RNF217: variants seen among roughly 807,000 people sequenced by gnomAD.
RNF217 encodes the protein E3 ubiquitin-protein ligase RNF217.
In RNF217, 31 loss-of-function variants were observed where a neutral mutation model predicts 57.8. That is an observed-to-expected ratio of 0.54 (90% CI 0.40 to 0.72). The LOEUF (loss-of-function observed/expected upper bound fraction) is 0.72. Among genes scored for constraint, RNF217 ranks in the 30% least tolerant of loss-of-function variants. The pLI is 0.00. For synonymous variants in RNF217, 313 were observed against 294.0 expected (o/e 1.06, Z -0.66); for missense variants, 696 against 708.3 (o/e 0.98, Z 0.20).
intron 1 of RNF217, chr6:124,983,582 C>T: frequency 1.3e-6 from 1 of 795,108 alleles, no homozygotes; most frequent in East Asian, 1.3e-4. Context: ...TGGTAGGCTT[C>T]ACTTTCATAA....
At chr6:125,036,696 G>A (rs962130103) in intron 1 of RNF217, among the ~76,000 whole-genome samples, 5 of 151,820 alleles carry the variant, frequency 3.3e-5, no homozygotes, top group African/African-American at 1.2e-4. Flanking sequence ...ATCAAAAAGT[G>A]GATGAAGGAT....
chr6:125,025,173 A>G (rs971839107), intron 1 of RNF217, among the ~76,000 whole-genome samples: 1 of 152,212 alleles, frequency 6.6e-6, no homozygotes, highest in Non-Finnish European at 1.5e-5. Context: ...TCAAATGGAC[A>G]TTTAGTAACC....
intron 1 of RNF217, among the ~76,000 whole-genome samples, chr6:124,978,286 G>A (rs1185835003): frequency 6.6e-6 from 1 of 151,896 alleles, no homozygotes; most frequent in Non-Finnish European, 1.5e-5. Flanking sequence ...CTCGCTCAGG[G>A]ACTTCTGGGC....
chr6:125,062,230 A>G (rs889715836), intron 3 of RNF217, among the ~76,000 whole-genome samples: 2 of 152,050 alleles, frequency 1.3e-5, no homozygotes, highest in African/African-American at 4.8e-5. Flanking sequence ...TATCTTATTT[A>G]TGTATTAAGC....
In RNF217 at chr6:125,087,372, A is replaced by G. The variant is rs1186799358; in HGVS notation, c.*4435A>G. 3.3e-5 allele frequency: 5 copies of G among 152,146 alleles called. No individual in the cohort carries two copies. Among genetic ancestry groups the G allele is most frequent in the African/African-American group, 9.6e-5 (4 of 41,452 alleles). 9.4% of individuals were successfully genotyped at this position (152,146 alleles called of 1,614,324 possible). On this transcript the variant is annotated 3_prime_UTR_variant, in exon 6 of 6. Transcript: ENST00000521654. The stretch of plus-strand genomic sequence containing the variant: ...TTAATGTGAGTCTTCACATTGGATT[A>G]TATTTTTATTCTCCCATATTTGTGG...
chr6:125,037,537 A>C (rs895995775), intron 1 of RNF217, among the ~76,000 whole-genome samples: 1 of 152,182 alleles, frequency 6.6e-6, no homozygotes, highest in African/African-American at 2.4e-5. Context: ...AGAAAAATTC[A>C]AAGGCATCTA....
intron 1 of RNF217, 86 bp from the exon 2 acceptor site, chr6:125,045,125 A>G (rs551029102): frequency 1.3e-6 from 1 of 788,406 alleles, no homozygotes; most frequent in South Asian, 1.8e-5. Context: ...GCGGTCATGA[A>G]ATAAGTAATA....
intron 2 of RNF217, among the ~76,000 whole-genome samples, chr6:125,054,993 CTG>C (rs1371915816): frequency 3.9e-5 from 6 of 152,088 alleles, no homozygotes; most frequent in Non-Finnish European, 7.4e-5. Context: ...GGAAGAATAA[CTG>C]TAAATAAAAG....
At chr6:125,012,458 A>T (rs1785448865) in intron 1 of RNF217, among the ~76,000 whole-genome samples, 1 of 152,136 alleles carries the variant, frequency 6.6e-6, no homozygotes, top group Non-Finnish European at 1.5e-5. Context: ...TTTTTGGGTA[A>T]TGGTTCACAA....
intron 1 of RNF217, among the ~76,000 whole-genome samples, chr6:125,036,733 C>T (rs1174158043): frequency 6.6e-6 from 1 of 151,906 alleles, no homozygotes; most frequent in African/African-American, 2.4e-5. Flanking sequence ...CAAAAGAAAA[C>T]ATTTATGCAG....
Position 125,025,063 on chromosome 6 carries a change from A to G in RNF217, c.883-20148A>G, listed in dbSNP as rs555668064. Among the ~76,000 whole-genome samples, 8 of 152,318 alleles carry G rather than the reference A, an allele frequency of 5.3e-5. No homozygotes were observed. In the East Asian group the frequency reaches 1.5e-3, roughly 29 times the overall value. On this transcript the variant is annotated intron_variant, in intron 1 of 5. Coordinates refer to ENST00000521654, the MANE Select transcript of RNF217 (RefSeq NM_001286398.3). ...CCACAAAGGAGGATACAGGGGACAGAAAGAAGTCAGGAAAATCAGGAATGT... is the reference window on the plus strand; with the variant it reads ...CCACAAAGGAGGATACAGGGGACAGGAAGAAGTCAGGAAAATCAGGAATGT...
rs571997107 is a variant in RNF217, at chr6:124,969,502, A to G, written c.882+6076A>G. Reference sequence around the variant, plus strand: ...TATATCGTTCTCTATCAACTTTATCACTACTATTTGCCCCACCAATTTTGG... The same window carrying G: ...TATATCGTTCTCTATCAACTTTATCGCTACTATTTGCCCCACCAATTTTGG... On this transcript the variant is annotated intron_variant, in intron 1 of 5. Transcript: ENST00000521654. Among the ~76,000 whole-genome samples, 17 of 152,288 alleles carry G rather than the reference A, an allele frequency of 1.1e-4. 1 individual carries two copies. In the Middle Eastern group the frequency reaches 0.014, roughly 122 times the overall value.
At chr6:124,995,999 A>G (rs959082275) in intron 1 of RNF217, among the ~76,000 whole-genome samples, 7 of 151,994 alleles carry the variant, frequency 4.6e-5, no homozygotes, top group Non-Finnish European at 8.8e-5. Flanking sequence ...CTTACAGACT[A>G]TGTACATGTA....
intron 3 of RNF217, among the ~76,000 whole-genome samples, chr6:125,068,520 C>T (rs545084785): frequency 5.9e-5 from 9 of 152,230 alleles, no homozygotes; most frequent in African/African-American, 2.2e-4. Flanking sequence ...TTTGTTAGTA[C>T]AATTGATTAC....
At chr6:125,038,340 C>A (rs1302222242) in intron 1 of RNF217, among the ~76,000 whole-genome samples, 1 of 152,154 alleles carries the variant, frequency 6.6e-6, no homozygotes, top group African/African-American at 2.4e-5. Flanking sequence ...TAACTTGATA[C>A]TAAAAAATTG....
intron 1 of RNF217, among the ~76,000 whole-genome samples, chr6:125,016,875 T>C (rs1785632577): frequency 6.6e-6 from 1 of 152,126 alleles, no homozygotes; most frequent in Admixed American, 6.5e-5. Flanking sequence ...GGCACGCGTA[T>C]ACCTATCCAA....
At chr6:124,997,729 C>G (rs189857940) in intron 1 of RNF217, among the ~76,000 whole-genome samples, 4 of 152,324 alleles carry the variant, frequency 2.6e-5, no homozygotes, top group Admixed American at 2.0e-4. Context: ...TCTGCTCGCT[C>G]TCTCTACAGC....
intron 3 of RNF217, among the ~76,000 whole-genome samples, chr6:125,073,214 A>G (rs1303185142): frequency 6.6e-6 from 1 of 152,182 alleles, no homozygotes; most frequent in East Asian, 1.9e-4. Flanking sequence ...AAGGATCAGA[A>G]ATGATTCAGA....
chr6:125,021,328 G>A (rs780474331), intron 1 of RNF217, among the ~76,000 whole-genome samples: 14 of 149,768 alleles, frequency 9.3e-5, no homozygotes, highest in East Asian at 2.0e-4. Context: ...GTGCAATGGC[G>A]CGATCTTGGC....
Sources: allele counts gnomAD v4.1 joint callset (sites outside exome capture counted in the v4.1 genomes callset), GRCh38; gene constraint gnomAD v4.1.1; transcripts MANE v1.5; gene names NCBI Gene and HGNC (gene_info 2026-07-23, HGNC 2026-07-21).